TRPM8: variants seen among roughly 807,000 people sequenced by gnomAD.
TRPM8 encodes the protein TRPM8 cationic channel.
TRPM8 carries 110 observed loss-of-function variants against 133.7 expected under a neutral mutation model. The observed-to-expected ratio is 0.82, with a 90% CI of 0.70 to 0.96. The LOEUF (loss-of-function observed/expected upper bound fraction) is 0.96, where lower values mean the gene tolerates loss of function less well. Ranked by LOEUF, TRPM8 falls within the 40% of genes least tolerant of loss-of-function variation. The pLI is 0.00. For synonymous variants in TRPM8, 535 were observed against 532.3 expected, an observed-to-expected ratio of 1.01 and a Z score of -0.07; for missense variants, 1,291 against 1,379.5, an observed-to-expected ratio of 0.94 and a Z score of 1.02.
At position 234,014,592 on chromosome 2, in the gene TRPM8, A is replaced by T. The variant is rs775143265; in HGVS notation, c.3295A>T (p.Ile1099Phe). The change falls in exon 25 of 26, where the codon ATT (isoleucine) becomes TTT (phenylalanine). Residue 1099 changes from isoleucine to phenylalanine, a missense_variant. Physicochemically the swap from Ile to Phe is conservative, Grantham distance 21 (BLOSUM62 0). Coordinates refer to ENST00000324695, the MANE Select transcript of TRPM8 (RefSeq NM_024080.5). The part of the protein sequence containing the change: ...LNDLKGLLKE[I>F]ANKIK ...TGATCTCAAGGGTCTTCTGAAAGAG[A>T]TTGCTAATAAAATCAAATAAAACTG... 6.4e-7 allele frequency: 1 copy of T among 1,552,234 alleles called. No individual in the cohort carries two copies. The highest frequency in any genetic ancestry group is 1.2e-5 in the South Asian group (1 of 81,578).
At chr2:233,979,811 T>G (rs1239192331) in intron 17 of TRPM8, among the ~76,000 whole-genome samples, 1 of 152,226 alleles carries the variant, frequency 6.6e-6, no homozygotes, top group African/African-American at 2.4e-5. Context: ...GACAACAATA[T>G]GAGTAATACC....
At chr2:233,963,406 C>T in intron 13 of TRPM8, 29 bp downstream of exon 13, 2 of 1,376,868 alleles carry the variant, frequency 1.5e-6, no homozygotes, top group African/African-American at 1.4e-5. Flanking sequence ...ATCAGATTTA[C>T]ACCAAATATA....
chr2:233,942,490 G>A (rs1690933983), intron 5 of TRPM8, 86 bp from the exon 6 acceptor site: 1 of 1,333,044 alleles, frequency 7.5e-7, no homozygotes, highest in Non-Finnish European at 1.1e-6. Flanking sequence ...TACAGGGATG[G>A]GGCCTTTATT....
At chr2:233,966,499 C>A in intron 14 of TRPM8, 111 bp from the exon 15 acceptor site, 1 of 1,328,734 alleles carries the variant, frequency 7.5e-7, no homozygotes. Flanking sequence ...TAAGAATGGA[C>A]TCACGCACAG....
chr2:233,927,766 C>T (rs867838130), intron 2 of TRPM8, among the ~76,000 whole-genome samples: 1 of 70,138 alleles, frequency 1.4e-5, no homozygotes, highest in Non-Finnish European at 2.2e-5. Context: ...TTCTTTCTTT[C>T]TTTCTTTCTT....
chr2:233,995,545 A>C (rs1351677592), intron 21 of TRPM8, among the ~76,000 whole-genome samples: 1 of 152,252 alleles, frequency 6.6e-6, no homozygotes, highest in Admixed American at 6.5e-5. Flanking sequence ...TGAGATCTGC[A>C]TAACAAAACC....
intron 4 of TRPM8, among the ~76,000 whole-genome samples, chr2:233,938,357 G>A (rs754682314): frequency 1.3e-5 from 2 of 152,158 alleles, no homozygotes; most frequent in Non-Finnish European, 2.9e-5. Context: ...CTTTCCTTCT[G>A]TGAACCCTGA....
At chr2:233,935,341 T>C (rs1447034054) in intron 3 of TRPM8, among the ~76,000 whole-genome samples, 1 of 152,170 alleles carries the variant, frequency 6.6e-6, no homozygotes, top group Non-Finnish European at 1.5e-5. Flanking sequence ...TGCACAAGGA[T>C]GCTGGGGTGA....
chr2:233,996,517 G>A lies in TRPM8; in HGVS notation c.3130+1G>A. 6.2e-7 allele frequency: 1 copy of A among 1,614,038 alleles called. No homozygotes were observed. Among genetic ancestry groups the A allele is most frequent in the Non-Finnish European group, 8.5e-7 (1 of 1,179,908 alleles). On this transcript the variant is annotated splice_donor_variant, in intron 22 of 25. Transcript: ENST00000324695. LOFTEE classifies it high-confidence loss of function. Reference sequence around the variant, plus strand: ...AAAAACATGGAGTCTTCTGTCTGCTGTGAGTGGTTTATCCATGTGTACTTG... The same window carrying A: ...AAAAACATGGAGTCTTCTGTCTGCTATGAGTGGTTTATCCATGTGTACTTG...
chr2:234,013,935 G>A (rs1247386866), intron 24 of TRPM8: 1 of 152,140 alleles, frequency 6.6e-6, no homozygotes, highest in Non-Finnish European at 1.5e-5. Flanking sequence ...TCTTGAGTGA[G>A]TGATAAAGCA....
At chr2:233,972,058 A>C (rs1691738450) in intron 17 of TRPM8, among the ~76,000 whole-genome samples, 1 of 152,208 alleles carries the variant, frequency 6.6e-6, no homozygotes, top group Admixed American at 6.5e-5. Flanking sequence ...CCAAGGCCCC[A>C]CCAGAGTAGC....
intron 22 of TRPM8, among the ~76,000 whole-genome samples, chr2:234,002,268 G>A (rs1238401802): frequency 6.6e-6 from 1 of 152,030 alleles, no homozygotes; most frequent in Non-Finnish European, 1.5e-5. Context: ...GGACAGGGGA[G>A]AGAAGACCTC....
intron 6 of TRPM8, among the ~76,000 whole-genome samples, chr2:233,943,147 T>C (rs1690954015): frequency 6.6e-6 from 1 of 151,258 alleles, no homozygotes; most frequent in Admixed American, 6.6e-5. Context: ...TTTAGGGTAC[T>C]TGTGCATAAC....
chr2:233,985,770 G>A lies in TRPM8; in HGVS notation c.2844G>A (p.Leu948=), dbSNP rs768745394. 3 of 1,614,056 alleles carry A rather than the reference G, an allele frequency of 1.9e-6. No homozygotes were observed. The highest frequency in any genetic ancestry group is 1.7e-5 in the Admixed American group (1 of 60,002). ...GTGTGGAGCTGGATGAGCACAACCT[G>A]CCCCGGTTCCCCGAGTGGATCACCA... ...PLCVELDEHN[L]PRFPEWITIP... Residue 948 remains leucine, a synonymous_variant, in exon 21 of 26, where the codon CTG becomes CTA. Coordinates refer to ENST00000324695, the MANE Select transcript of TRPM8 (RefSeq NM_024080.5).
chr2:233,944,212 AATG>A (rs1195123574), intron 6 of TRPM8, among the ~76,000 whole-genome samples: 4 of 152,206 alleles, frequency 2.6e-5, no homozygotes, highest in Non-Finnish European at 5.9e-5. Context: ...GAGATGGCAA[AATG>A]ATTTCACATC....
At chr2:233,993,122 A>G (rs979039814) in intron 21 of TRPM8, among the ~76,000 whole-genome samples, 10 of 152,192 alleles carry the variant, frequency 6.6e-5, no homozygotes, top group African/African-American at 1.9e-4. Flanking sequence ...CCAATCCTGA[A>G]TATGCATTAT....
At chr2:233,954,934 C>T (rs1691255291) in intron 10 of TRPM8, 198 bp from the exon 11 acceptor site, 1 of 510,966 alleles carries the variant, frequency 2.0e-6, no homozygotes, top group Non-Finnish European at 3.5e-6. Context: ...AGTTGATCCC[C>T]ATTATAAACT....
chr2:233,930,823 T>G (rs1225876772), intron 3 of TRPM8, 82 bp downstream of exon 3: 15 of 835,628 alleles, frequency 1.8e-5, no homozygotes, highest in Non-Finnish European at 2.9e-5. Context: ...AAATGCTCCC[T>G]AGTTCATTAT....
rs11563208 is a variant in TRPM8 at position 233,996,434 on chromosome 2, C to T, written c.3048C>T (p.Ile1016=). ...CSRLNIPFPF[I]VFAYFYMVVK... The stretch of plus-strand genomic sequence containing the variant: ...GCCTCAATATCCCCTTCCCCTTCAT[C>T]GTCTTCGCTTACTTCTACATGGTGG... Residue 1016 remains isoleucine (I), a synonymous_variant, in exon 22 of 26, where the codon ATC becomes ATT. Transcript: ENST00000324695. The T allele has an allele frequency of 0.26, 421,375 of 1,613,750 alleles. 58,153 individuals carry two copies. The highest frequency in any genetic ancestry group is 0.37 in the Admixed American group (22,005 of 59,990).
Sources: gnomAD v4.1 joint callset for allele counts (sites outside exome capture counted in the v4.1 genomes callset) on GRCh38, gnomAD v4.1.1 for gene constraint, MANE v1.5 for transcripts, NCBI Gene and HGNC (gene_info 2026-07-23, HGNC 2026-07-21) for gene names.